Variants in PTPRG observed in about 807,000 individuals in gnomAD.
PTPRG encodes protein tyrosine phosphatase receptor type G, also known as receptor-type tyrosine-protein phosphatase gamma.
Under a neutral mutation model 165.3 loss-of-function variants are expected in PTPRG, and 102 were observed. The ratio of observed to expected loss-of-function variants is 0.62; its 90% CI spans 0.53 to 0.73. The LOEUF (loss-of-function observed/expected upper bound fraction) is 0.73. Among genes scored for constraint, PTPRG ranks in the 30% least tolerant of loss-of-function variants. The pLI is 0.00. For missense variants in PTPRG, 1,866 were observed against 1,861.4 expected (o/e 1.00, Z -0.05); for synonymous variants, 675 against 669.5 (o/e 1.01, Z -0.13).
intron 2 of PTPRG, among the ~76,000 whole-genome samples, chr3:61,802,602 C>T (rs2035282917): frequency 1.3e-5 from 2 of 152,124 alleles, no homozygotes; most frequent in East Asian, 1.9e-4. Flanking sequence ...GCCTATTATC[C>T]AGATATAATT....
intron 2 of PTPRG, among the ~76,000 whole-genome samples, chr3:61,877,836 C>T (rs979895986): frequency 1.3e-5 from 2 of 152,096 alleles, no homozygotes; most frequent in African/African-American, 2.4e-5. Context: ...ATTGGGTTAG[C>T]GACCTTTCAG....
At chr3:61,649,749 C>T (rs1359215027) in intron 1 of PTPRG, among the ~76,000 whole-genome samples, 2 of 152,126 alleles carry the variant, frequency 1.3e-5, no homozygotes, top group African/African-American at 4.8e-5. Flanking sequence ...TACATTGGCT[C>T]CTCTTAGAAA....
At chr3:61,574,851 C>T (rs2106782151) in intron 1 of PTPRG, among the ~76,000 whole-genome samples, 1 of 152,300 alleles carries the variant, frequency 6.6e-6, no homozygotes, top group East Asian at 1.9e-4. Context: ...AAGTGATGCC[C>T]TGGCTTCGTA....
chr3:61,956,291 C>CTCTG (rs2040028291), intron 2 of PTPRG, among the ~76,000 whole-genome samples: 1 of 113,368 alleles, frequency 8.8e-6, no homozygotes, highest in Admixed American at 7.9e-5. Context: ...CTCTCTCTCT[C>CTCTG]TCTCACACAC....
chr3:61,628,325 TA>T (rs1241097023), intron 1 of PTPRG, among the ~76,000 whole-genome samples: 4 of 152,144 alleles, frequency 2.6e-5, no homozygotes, highest in East Asian at 3.9e-4. Flanking sequence ...TTTATATATT[TA>T]TTTTTTTTGA....
At chr3:61,675,705 A>G (rs1468220397) in intron 1 of PTPRG, among the ~76,000 whole-genome samples, 2 of 152,216 alleles carry the variant, frequency 1.3e-5, no homozygotes, top group Non-Finnish European at 2.9e-5. Flanking sequence ...GGTGAGGCCT[A>G]TGGCTAATGT....
intron 4 of PTPRG, among the ~76,000 whole-genome samples, chr3:62,073,290 G>C (rs1701269813): frequency 6.6e-6 from 1 of 152,092 alleles, no homozygotes; most frequent in African/African-American, 2.4e-5. Context: ...CATTAAATGA[G>C]GAGCAGGATA....
At chr3:61,956,852 T>C (rs1254344885) in intron 2 of PTPRG, among the ~76,000 whole-genome samples, 1 of 152,196 alleles carries the variant, frequency 6.6e-6, no homozygotes, top group African/African-American at 2.4e-5. Flanking sequence ...CTCTTTATCC[T>C]GGAATAGTAC....
In PTPRG at chr3:62,247,268, T is replaced by C. The variant is rs148029389; in HGVS notation, c.2467+3370T>C. ...GGAGCTAACACTGGAATTATCTCTG[T>C]GACTTCAAAGCACAGATGCTTATAA... On this transcript the variant is annotated intron_variant, in intron 15 of 29. Coordinates refer to ENST00000474889, the MANE Select transcript of PTPRG (RefSeq NM_002841.4). 1.8e-3 allele frequency among the ~76,000 whole-genome samples: 270 copies of C among 152,240 alleles called. 1 individual carries two copies. The highest frequency in any genetic ancestry group is 6.3e-3 in the African/African-American group (260 of 41,556).
intron 2 of PTPRG, among the ~76,000 whole-genome samples, chr3:61,981,775 C>T (rs549027734): frequency 6.6e-6 from 1 of 152,160 alleles, no homozygotes; most frequent in Non-Finnish European, 1.5e-5. Context: ...TAATGTAACC[C>T]TGTAATTTAC....
At chr3:62,200,168 A>C (rs1394364630) in intron 10 of PTPRG, among the ~76,000 whole-genome samples, 1 of 152,222 alleles carries the variant, frequency 6.6e-6, no homozygotes, top group Non-Finnish European at 1.5e-5. Context: ...GACGGATAGA[A>C]GTAATGGTTG....
intron 1 of PTPRG, among the ~76,000 whole-genome samples, chr3:61,571,374 C>G (rs1700051323): frequency 6.6e-6 from 1 of 152,012 alleles, no homozygotes; most frequent in South Asian, 2.1e-4. Flanking sequence ...AACTATTTTT[C>G]CTAATTGCAC....
At chr3:62,065,111 C>T (rs1002839280) in intron 4 of PTPRG, among the ~76,000 whole-genome samples, 1 of 151,944 alleles carries the variant, frequency 6.6e-6, no homozygotes, top group East Asian at 1.9e-4. Context: ...TCCAGTGTTA[C>T]GAATGGTATA....
intron 1 of PTPRG, among the ~76,000 whole-genome samples, chr3:61,594,963 T>G (rs924576249): frequency 1.3e-5 from 2 of 152,190 alleles, no homozygotes; most frequent in Admixed American, 1.3e-4. Flanking sequence ...TTTTTTTCTT[T>G]TAACCATTCC....
At chr3:62,223,806 A>G (rs1264659357) in intron 13 of PTPRG, among the ~76,000 whole-genome samples, 1 of 152,172 alleles carries the variant, frequency 6.6e-6, no homozygotes, top group Non-Finnish European at 1.5e-5. Context: ...AAATGTACAG[A>G]GCTAAATGAA....
chr3:61,840,749 GA>G (rs1199066934), intron 2 of PTPRG, among the ~76,000 whole-genome samples: 2 of 146,950 alleles, frequency 1.4e-5, no homozygotes, highest in Admixed American at 6.8e-5. Context: ...ATAGGATACA[GA>G]AAATTTCAGA....
chr3:61,944,393 T>C (rs537864569), intron 2 of PTPRG, among the ~76,000 whole-genome samples: 16 of 152,318 alleles, frequency 1.1e-4, no homozygotes, highest in Non-Finnish European at 2.1e-4. Context: ...GCTTGTGGCA[T>C]TGTACAGCAG....
intron 8 of PTPRG, among the ~76,000 whole-genome samples, chr3:62,172,005 C>T (rs1576093078): frequency 6.6e-6 from 1 of 152,166 alleles, no homozygotes; most frequent in African/African-American, 2.4e-5. Flanking sequence ...GCAAGTGGAT[C>T]ATATATGACT....
chr3:62,155,957 G>C (rs1704521639), intron 6 of PTPRG, among the ~76,000 whole-genome samples: 1 of 152,172 alleles, frequency 6.6e-6, no homozygotes, highest in Non-Finnish European at 1.5e-5. Flanking sequence ...TAGTCTTATT[G>C]CATCTCCAAC....
Sources: gnomAD v4.1 joint callset for allele counts (sites outside exome capture counted in the v4.1 genomes callset) on GRCh38, gnomAD v4.1.1 for gene constraint, MANE v1.5 for transcripts, NCBI Gene and HGNC (gene_info 2026-07-23, HGNC 2026-07-21) for gene names.